TTC28: variants seen among roughly 807,000 people sequenced by gnomAD.
The protein encoded by TTC28 is tetratricopeptide repeat protein 28.
Under a neutral mutation model 198.0 loss-of-function variants are expected in TTC28, and 61 were observed. That is an observed-to-expected ratio of 0.31 (90% CI 0.25 to 0.38). The LOEUF is 0.38. Among genes scored for constraint, TTC28 ranks in the 10% least tolerant of loss-of-function variants. The pLI is 1.00. For synonymous variants in TTC28, 1,171 were observed against 1,297.8 expected (o/e 0.90, Z 2.10); for missense variants, 2,678 against 3,164.0 (o/e 0.85, Z 3.69).
At chr22:28,519,479 A>C (rs1388008891) in intron 2 of TTC28, among the ~76,000 whole-genome samples, 1 of 152,236 alleles carries the variant, frequency 6.6e-6, no homozygotes, top group African/African-American at 2.4e-5. Flanking sequence ...ACTGGCTGAA[A>C]TCAGTTGAAA....
intron 2 of TTC28, among the ~76,000 whole-genome samples, chr22:28,433,255 GTCTTT>G (rs2047460651): frequency 6.6e-6 from 1 of 152,106 alleles, no homozygotes; most frequent in Non-Finnish European, 1.5e-5. Flanking sequence ...AAACTGTCTT[GTCTTT>G]TATTTATTTT....
intron 13 of TTC28, among the ~76,000 whole-genome samples, chr22:28,020,347 C>T (rs1601524133): frequency 6.6e-6 from 1 of 152,248 alleles, no homozygotes; most frequent in South Asian, 2.1e-4. Context: ...TGTTTATTAA[C>T]CTACTTCGGG....
intron 2 of TTC28, among the ~76,000 whole-genome samples, chr22:28,360,752 A>G (rs910518278): frequency 1.4e-4 from 21 of 152,214 alleles, no homozygotes; most frequent in Admixed American, 1.4e-3. Context: ...CTTTGCAGAT[A>G]CTGCATTTTT....
At position 28,177,481 on chromosome 22, in the gene TTC28, G is replaced by A. The variant is rs1445924437; in HGVS notation, c.934-13882C>T. Among the ~76,000 whole-genome samples the A allele has an allele frequency of 3.9e-5, 6 of 152,194 alleles. No homozygotes were observed. In the East Asian group the frequency reaches 1.2e-3, roughly 29 times the overall value. ...AGAAAACTCAACATGGTCTTACCAT[G>A]TGTTCCAGCAACTGTGCTCCCATGT... On this transcript the variant is annotated intron_variant, in intron 5 of 22. Coordinates refer to ENST00000397906, the MANE Select transcript of TTC28 (RefSeq NM_001145418.2).
At chr22:28,561,861 A>G (rs2049887640) in intron 2 of TTC28, among the ~76,000 whole-genome samples, 1 of 152,132 alleles carries the variant, frequency 6.6e-6, no homozygotes, top group African/African-American at 2.4e-5. Context: ...TCTCCTTGCC[A>G]TATTTTCTTA....
At chr22:28,039,453 A>G (rs1470907762) in intron 12 of TTC28, among the ~76,000 whole-genome samples, 2 of 135,370 alleles carry the variant, frequency 1.5e-5, no homozygotes, top group Non-Finnish European at 3.1e-5. Flanking sequence ...TCTCACTCAT[A>G]GGTGGGAATT....
At chr22:28,524,301 C>G (rs2048966132) in intron 2 of TTC28, among the ~76,000 whole-genome samples, 1 of 151,546 alleles carries the variant, frequency 6.6e-6, no homozygotes, top group Admixed American at 6.6e-5. Flanking sequence ...ACCAAAAATA[C>G]AAAAACAAAT....
chr22:28,541,683 T>C (rs1234413575), intron 2 of TTC28, among the ~76,000 whole-genome samples: 3 of 152,090 alleles, frequency 2.0e-5, no homozygotes, highest in Non-Finnish European at 4.4e-5. Context: ...TTAAAAGTTA[T>C]TGTAACTATG....
At chr22:28,480,179 G>A (rs1199367410) in intron 2 of TTC28, among the ~76,000 whole-genome samples, 2 of 152,160 alleles carry the variant, frequency 1.3e-5, no homozygotes, top group Admixed American at 6.5e-5. Context: ...AAACAAGAGT[G>A]CTCCTACAAG....
At chr22:28,098,338 G>A (rs962147372) in intron 10 of TTC28, among the ~76,000 whole-genome samples, 5 of 152,144 alleles carry the variant, frequency 3.3e-5, no homozygotes, top group East Asian at 1.9e-4. Context: ...AGTGGTGAGA[G>A]GGAACCTAGG....
chr22:28,201,616 T>A (rs949278976), intron 5 of TTC28, among the ~76,000 whole-genome samples: 3 of 151,456 alleles, frequency 2.0e-5, no homozygotes, highest in African/African-American at 4.9e-5. Context: ...GCAGTAACAG[T>A]GGTGAGAAAG....
At chr22:28,304,247 T>A (rs977023425) in intron 3 of TTC28, among the ~76,000 whole-genome samples, 3 of 150,368 alleles carry the variant, frequency 2.0e-5, no homozygotes, top group Non-Finnish European at 4.4e-5. Flanking sequence ...ATGGCGCCAC[T>A]GCACTCCAGC....
intron 1 of TTC28, among the ~76,000 whole-genome samples, chr22:28,656,257 CT>C (rs972053258): frequency 1.3e-5 from 2 of 152,170 alleles, no homozygotes; most frequent in Admixed American, 1.3e-4. Flanking sequence ...CTAAAGGAAG[CT>C]TGATAAAACT....
At chr22:28,667,205 CA>C (rs2051827519) in intron 1 of TTC28, among the ~76,000 whole-genome samples, 1 of 27,732 alleles carries the variant, frequency 3.6e-5, no homozygotes, top group Non-Finnish European at 6.3e-5. Flanking sequence ...ACTGAATGGG[CA>C]AAAACTGGAA....
At chr22:28,150,492 C>A (rs977625048) in intron 6 of TTC28, among the ~76,000 whole-genome samples, 1 of 152,136 alleles carries the variant, frequency 6.6e-6, no homozygotes. Flanking sequence ...CATTCAAAAG[C>A]AAATTCCTCT....
At chr22:28,127,395 A>G (rs1942944389) in intron 6 of TTC28, among the ~76,000 whole-genome samples, 3 of 152,158 alleles carry the variant, frequency 2.0e-5, no homozygotes, top group South Asian at 4.1e-4. Flanking sequence ...CTCCAGTGTA[A>G]TGGTAGCAAC....
chr22:28,380,046 CT>C (rs1458195245), intron 2 of TTC28, among the ~76,000 whole-genome samples: 1 of 121,082 alleles, frequency 8.3e-6, no homozygotes, highest in East Asian at 1.9e-4. Context: ...CACTATGCTT[CT>C]TCAAAACGTT....
rs150335840 is a variant in TTC28, at chr22:28,591,178, G to C, written c.381+38374C>G. 3.2e-4 allele frequency among the ~76,000 whole-genome samples: 47 copies of C among 148,752 alleles called. No homozygotes were observed. The East Asian group carries it at 9.3e-3, about 29-fold the overall frequency. On this transcript the variant is annotated intron_variant, in intron 2 of 22. Transcript: ENST00000397906. Reference sequence around the variant, plus strand: ...GGCTAGAGTACAGTGGAGTGACCATGGCTCACTGCACCCTTAACTTTCCAG... The same window carrying C: ...GGCTAGAGTACAGTGGAGTGACCATCGCTCACTGCACCCTTAACTTTCCAG...
intron 6 of TTC28, among the ~76,000 whole-genome samples, chr22:28,151,432 T>G (rs866372805): frequency 2.0e-5 from 3 of 152,200 alleles, no homozygotes; most frequent in Admixed American, 2.0e-4. Context: ...CAGTCCAAAG[T>G]GCAGCTCTGA....
Sources: allele counts gnomAD v4.1 joint callset (sites outside exome capture counted in the v4.1 genomes callset), GRCh38; gene constraint gnomAD v4.1.1; transcripts MANE v1.5; gene names NCBI Gene and HGNC (gene_info 2026-07-23, HGNC 2026-07-21).